The following PPP1R12B variants were observed in gnomAD, a reference collection of about 807,000 sequenced individuals.
PPP1R12B encodes protein phosphatase 1 regulatory subunit 12B, also known as myosin phosphatase target subunit 2.
Under a neutral mutation model 126.1 loss-of-function variants are expected in PPP1R12B, and 76 were observed. The observed-to-expected ratio is 0.60, with a 90% CI of 0.50 to 0.73. The LOEUF (loss-of-function observed/expected upper bound fraction) is 0.73, where lower values mean the gene tolerates loss of function less well. PPP1R12B is among the 30% of genes least tolerant of loss of function. PPP1R12B has a pLI of 0.00. For missense variants in PPP1R12B, 1,052 were observed against 1,205.1 expected (o/e 0.87, Z 1.88); for synonymous variants, 356 against 434.7 (o/e 0.82, Z 2.25).
intron 1 of PPP1R12B, among the ~76,000 whole-genome samples, chr1:202,371,858 C>CTTTTTT (rs1193939057): frequency 9.3e-5 from 7 of 75,350 alleles, no homozygotes; most frequent in Admixed American, 1.9e-4. Flanking sequence ...ATTATAGTTT[C>CTTTTTT]TTTTTTTTTT....
chr1:202,519,100 A>G (rs1446323240), intron 18 of PPP1R12B, among the ~76,000 whole-genome samples: 1 of 152,162 alleles, frequency 6.6e-6, no homozygotes, highest in Non-Finnish European at 1.5e-5. Context: ...CCAACTTTCC[A>G]TCCTTCAGAC....
chr1:202,451,211 C>T (rs928411779), intron 13 of PPP1R12B, among the ~76,000 whole-genome samples: 2 of 144,570 alleles, frequency 1.4e-5, no homozygotes, highest in Non-Finnish European at 3.0e-5. Context: ...TTGGGTGTTC[C>T]TCGCAGAGGG....
intron 18 of PPP1R12B, among the ~76,000 whole-genome samples, chr1:202,512,075 GTGA>G (rs1681586146): frequency 6.6e-6 from 1 of 152,160 alleles, no homozygotes; most frequent in African/African-American, 2.4e-5. Context: ...AGAAGACTGG[GTGA>G]GATCACCAAA....
chr1:202,491,310 G>A (rs1335622674), intron 14 of PPP1R12B, among the ~76,000 whole-genome samples: 1 of 152,038 alleles, frequency 6.6e-6, no homozygotes. Context: ...CACCACACCT[G>A]GCTAATTTTT....
In PPP1R12B at chr1:202,562,887, C is replaced by T. The variant is rs753256240; in HGVS notation, c.2617C>T (p.Arg873Cys). Residue 873 changes from arginine (R) to cysteine (C), a missense_variant, in exon 20 of 24, where the codon CGT (arginine) becomes TGT (cysteine). Coordinates refer to ENST00000608999, the MANE Select transcript of PPP1R12B (RefSeq NM_002481.4). ...GGCCCGCCTAGCCACCCTGACCAGC[C>T]GTGTAGAAGAAGACAGCAACAGAGA... ...REARLATLTS[R>C]VEEDSNRDYK... 18 of 1,595,598 alleles carry T rather than the reference C, an allele frequency of 1.1e-5. No homozygotes were observed. The East Asian group carries it at 1.6e-4, about 14-fold the overall frequency.
intron 18 of PPP1R12B, among the ~76,000 whole-genome samples, chr1:202,512,309 A>G (rs1394731409): frequency 6.6e-6 from 1 of 152,212 alleles, no homozygotes; most frequent in Non-Finnish European, 1.5e-5. Context: ...TCCAGGTGAA[A>G]GATAATGTGC....
At chr1:202,572,396 T>C (rs1688686983) in intron 23 of PPP1R12B, among the ~76,000 whole-genome samples, 2 of 152,186 alleles carry the variant, frequency 1.3e-5, no homozygotes, top group Non-Finnish European at 2.9e-5. Context: ...CTCTACCAAA[T>C]AAAGTACAAA....
At chr1:202,533,190 A>T (rs1297466638) in intron 18 of PPP1R12B, among the ~76,000 whole-genome samples, 1 of 152,148 alleles carries the variant, frequency 6.6e-6, no homozygotes, top group Non-Finnish European at 1.5e-5. Flanking sequence ...AATGAAGTCC[A>T]TGGGAGCAGA....
Position 202,440,830 on chromosome 1 carries a change from G to C in PPP1R12B, c.1541+42G>C, listed in dbSNP as rs373746796. Reference sequence around the variant, plus strand: ...CCAAAAGATGGTCCTCATCCTCTTAGGTCTACTGGACATAGTCATCTCCTG... The same window carrying C: ...CCAAAAGATGGTCCTCATCCTCTTACGTCTACTGGACATAGTCATCTCCTG... On this transcript the variant is annotated intron_variant, in intron 11 of 23. Coordinates refer to ENST00000608999, the MANE Select transcript of PPP1R12B (RefSeq NM_002481.4). 2.7e-6 allele frequency: 4 copies of C among 1,507,878 alleles called. No homozygotes were observed. The African/African-American group carries it at 5.5e-5, about 21-fold the overall frequency. The allele number at this position is 1,507,878 out of a possible 1,614,324, so 93.4% of individuals were successfully genotyped here.
chr1:202,428,636 C>G, intron 5 of PPP1R12B: 1 of 499,844 alleles, frequency 2.0e-6, no homozygotes, highest in Non-Finnish European at 3.5e-6. Flanking sequence ...TTCTGCAGTA[C>G]TGTTGTACAA....
At chr1:202,434,537 AG>A in intron 8 of PPP1R12B, 118 bp from the exon 9 acceptor site, 1 of 1,287,340 alleles carries the variant, frequency 7.8e-7, no homozygotes, top group South Asian at 1.7e-5. Context: ...CAAGCATTAC[AG>A]GGCCTTAATA....
intron 1 of PPP1R12B, among the ~76,000 whole-genome samples, chr1:202,358,535 A>T (rs1431376934): frequency 6.6e-6 from 1 of 152,190 alleles, no homozygotes; most frequent in Non-Finnish European, 1.5e-5. Context: ...ACAAAAAATT[A>T]GCCGGGCGTG....
At chr1:202,391,675 T>TGTGTCCA (rs1491474709) in intron 1 of PPP1R12B, among the ~76,000 whole-genome samples, 2 of 13,958 alleles carry the variant, frequency 1.4e-4, no homozygotes, top group Non-Finnish European at 1.3e-4. Context: ...GATAAATGAA[T>TGTGTCCA]TATCTTCAGG....
chr1:202,438,483 G>A (rs1341480234), intron 10 of PPP1R12B: 9 of 412,918 alleles, frequency 2.2e-5, no homozygotes, highest in Admixed American at 7.2e-5. Flanking sequence ...TGCTGGATGG[G>A]GTGGAGGATG....
At chr1:202,403,069 A>T (rs1180047149) in intron 1 of PPP1R12B, among the ~76,000 whole-genome samples, 2 of 152,194 alleles carry the variant, frequency 1.3e-5, no homozygotes, top group African/African-American at 4.8e-5. Context: ...ACATCTTCAT[A>T]AAAATTTTTG....
intron 1 of PPP1R12B, among the ~76,000 whole-genome samples, chr1:202,379,665 A>G (rs1223333127): frequency 1.3e-5 from 2 of 152,212 alleles, no homozygotes; most frequent in South Asian, 2.1e-4. Flanking sequence ...CCATAGGTCT[A>G]TTTTTTCCCC....
At chr1:202,519,636 T>G (rs1682552961) in intron 18 of PPP1R12B, among the ~76,000 whole-genome samples, 1 of 152,224 alleles carries the variant, frequency 6.6e-6, no homozygotes, top group Non-Finnish European at 1.5e-5. Context: ...TTATTCTTTC[T>G]TTTCTCATTG....
intron 3 of PPP1R12B, among the ~76,000 whole-genome samples, chr1:202,424,697 GTA>G (rs1669270966): frequency 6.6e-6 from 1 of 152,082 alleles, no homozygotes; most frequent in Non-Finnish European, 1.5e-5. Flanking sequence ...TTTTGAATGG[GTA>G]TGTTTGTATT....
At chr1:202,368,020 A>G (rs1283867540) in intron 1 of PPP1R12B, among the ~76,000 whole-genome samples, 1 of 151,690 alleles carries the variant, frequency 6.6e-6, no homozygotes, top group Non-Finnish European at 1.5e-5. Context: ...CCCAAGCTGG[A>G]GTGCAGTGGT....
Sources: gnomAD v4.1 joint callset for allele counts (sites outside exome capture counted in the v4.1 genomes callset) on GRCh38, gnomAD v4.1.1 for gene constraint, MANE v1.5 for transcripts, NCBI Gene and HGNC (gene_info 2026-07-23, HGNC 2026-07-21) for gene names.